EYA2: variants seen among roughly 807,000 people sequenced by gnomAD.
The protein encoded by EYA2 is protein phosphatase EYA2.
Under a neutral mutation model 69.2 loss-of-function variants are expected in EYA2, and 31 were observed. That is an observed-to-expected ratio of 0.45 (90% CI 0.34 to 0.60). The LOEUF (loss-of-function observed/expected upper bound fraction) is 0.60. Among genes scored for constraint, EYA2 ranks in the 20% least tolerant of loss-of-function variants. EYA2 has a pLI of 0.02. For missense variants in EYA2, 622 were observed against 701.2 expected, an observed-to-expected ratio of 0.89 and a Z score of 1.28; for synonymous variants, 257 against 279.4, an observed-to-expected ratio of 0.92 and a Z score of 0.80.
chr20:47,080,763 G>A (rs1261681533), intron 7 of EYA2, among the ~76,000 whole-genome samples: 1 of 152,088 alleles, frequency 6.6e-6, no homozygotes, highest in African/African-American at 2.4e-5. Context: ...CACATCTTAC[G>A]TGGATGGCAG....
At chr20:46,970,135 T>C (rs981631936) in intron 1 of EYA2, among the ~76,000 whole-genome samples, 38 of 152,246 alleles carry the variant, frequency 2.5e-4, no homozygotes, top group Non-Finnish European at 1.0e-4. Context: ...CTGCAGTTCT[T>C]GGTGAAGAAT....
At position 47,169,182 on chromosome 20, in the gene EYA2, A is replaced by G. The variant is rs143610627; in HGVS notation, c.1022A>G (p.Asn341Ser). ...IHVDDVSSDD[N>S]GQDLSTYNFS... ...GTTGATGACGTCTCATCAGATGACA[A>G]TGGCCAAGATTTAAGGTGGGAATTT... The change falls in exon 11 of 16, where the codon AAT (asparagine) becomes AGT (serine). Residue 341 changes from asparagine to serine, a missense_variant. By Grantham distance (46) the Asn-to-Ser change is conservative. This residue lies in a region of EYA2 where 257 missense variants were observed against 351.5 expected (regional missense o/e 0.73). Transcript: ENST00000327619. 17 of 1,611,262 alleles carry G rather than the reference A, an allele frequency of 1.1e-5. No individual in the cohort carries two copies. Among genetic ancestry groups the G allele is most frequent in the Non-Finnish European group, 1.4e-5 (16 of 1,178,092 alleles).
intron 1 of EYA2, among the ~76,000 whole-genome samples, chr20:46,971,293 A>G (rs1048596672): frequency 4.6e-5 from 7 of 152,208 alleles, no homozygotes; most frequent in Non-Finnish European, 8.8e-5. Context: ...CTGCTCTGCA[A>G]AGTCATCAGC....
At chr20:47,048,499 A>G (rs756550982) in intron 5 of EYA2, among the ~76,000 whole-genome samples, 2 of 152,190 alleles carry the variant, frequency 1.3e-5, no homozygotes, top group Non-Finnish European at 2.9e-5. Flanking sequence ...GCAGTTTGGG[A>G]GACCAAGGCA....
At chr20:47,168,218 GTC>G (rs2146648051) in intron 10 of EYA2, among the ~76,000 whole-genome samples, 1 of 151,554 alleles carries the variant, frequency 6.6e-6, no homozygotes, top group East Asian at 1.9e-4. Flanking sequence ...TTGAGACAGA[GTC>G]TTGCTCTGTC....
intron 9 of EYA2, among the ~76,000 whole-genome samples, chr20:47,099,942 T>C (rs553843671): frequency 6.6e-6 from 1 of 152,264 alleles, no homozygotes; most frequent in Non-Finnish European, 1.5e-5. Flanking sequence ...TCAATAAATA[T>C]TTGTTGAATG....
intron 4 of EYA2, among the ~76,000 whole-genome samples, chr20:47,011,727 C>A (rs2146362655): frequency 6.6e-6 from 1 of 152,252 alleles, no homozygotes; most frequent in South Asian, 2.1e-4. Flanking sequence ...TCCAAGGGAC[C>A]TTTCAGGATC....
chr20:47,053,349 G>C (rs2030438706), intron 5 of EYA2, among the ~76,000 whole-genome samples: 1 of 152,164 alleles, frequency 6.6e-6, no homozygotes, highest in South Asian at 2.1e-4. Context: ...TGCTGAAGGT[G>C]TATCTCTACT....
At chr20:46,930,336 T>A (rs1388126868) in intron 1 of EYA2, among the ~76,000 whole-genome samples, 2 of 152,236 alleles carry the variant, frequency 1.3e-5, no homozygotes, top group African/African-American at 2.4e-5. Context: ...CTAAAGGCTT[T>A]TTATAATATT....
chr20:47,063,193 C>G (rs954095319), intron 5 of EYA2, among the ~76,000 whole-genome samples: 1 of 152,110 alleles, frequency 6.6e-6, no homozygotes, highest in African/African-American at 2.4e-5. Context: ...AAAGGAAACC[C>G]CATAACCTTT....
rs540490054 is a variant in EYA2 at position 47,075,038 on chromosome 20, G to A, written c.661+703G>A. On this transcript the variant is annotated intron_variant, in intron 7 of 15. Transcript: ENST00000327619. ...AGGTAGGAGAATCGCTTGAACCTGG[G>A]AGGCGGAGGTTGCAGTGAGCCGAGA... Among the ~76,000 whole-genome samples, 178 of 152,356 alleles carry A rather than the reference G, an allele frequency of 1.2e-3. 1 individual carries two copies. The highest frequency in any genetic ancestry group is 1.2e-3 in the Non-Finnish European group (81 of 68,030).
chr20:47,058,675 A>G (rs2146449210), intron 5 of EYA2, among the ~76,000 whole-genome samples: 1 of 152,272 alleles, frequency 6.6e-6, no homozygotes. Context: ...CAAGATCCCA[A>G]TCTCTAGAAA....
At chr20:47,166,975 C>T (rs1285738651) in intron 10 of EYA2, 1 of 154,580 alleles carries the variant, frequency 6.5e-6, no homozygotes, top group African/African-American at 2.4e-5. Flanking sequence ...CATGTCACTC[C>T]GCCAGCATCA....
At position 47,118,716 on chromosome 20, in the gene EYA2, G is replaced by A. The variant is rs555045537; in HGVS notation, c.888+21548G>A. 5.3e-5 allele frequency among the ~76,000 whole-genome samples: 8 copies of A among 152,184 alleles called. No homozygotes were observed. The South Asian group carries it at 1.7e-3, about 32-fold the overall frequency. On this transcript the variant is annotated intron_variant, in intron 9 of 15. Coordinates refer to ENST00000327619, the MANE Select transcript of EYA2 (RefSeq NM_005244.5). The stretch of plus-strand genomic sequence containing the variant: ...ACTTTCTTTGAAGCCCTGTGCTCTC[G>A]GCCGCTTTGAGAGAGACCATTTCCT...
At chr20:47,157,823 G>A (rs1404391289) in intron 10 of EYA2, among the ~76,000 whole-genome samples, 3 of 151,982 alleles carry the variant, frequency 2.0e-5, no homozygotes, top group Non-Finnish European at 2.9e-5. Context: ...GGTCCCACTG[G>A]TTTTAAACAA....
intron 5 of EYA2, among the ~76,000 whole-genome samples, chr20:47,017,625 C>T (rs1983490706): frequency 6.7e-6 from 1 of 148,210 alleles, no homozygotes; most frequent in African/African-American, 2.5e-5. Flanking sequence ...TCATGCCCAG[C>T]CCTGAGAATA....
chr20:47,096,040 C>T (rs2032236123), intron 8 of EYA2: 1 of 151,968 alleles, frequency 6.6e-6, no homozygotes, highest in South Asian at 2.1e-4. Flanking sequence ...TACATTGTTG[C>T]AAACAAGAAA....
At chr20:47,164,177 C>G (rs1193786523) in intron 10 of EYA2, among the ~76,000 whole-genome samples, 1 of 152,170 alleles carries the variant, frequency 6.6e-6, no homozygotes, top group African/African-American at 2.4e-5. Flanking sequence ...CCCCCATCCT[C>G]GTGGCCTCTG....
intron 10 of EYA2, among the ~76,000 whole-genome samples, chr20:47,167,279 AC>A (rs2034219578): frequency 1.4e-5 from 1 of 70,078 alleles, no homozygotes; most frequent in African/African-American, 6.5e-5. Flanking sequence ...CGGTTTTTTT[AC>A]TTTTTTTTTT....
Sources: allele counts gnomAD v4.1 joint callset (sites outside exome capture counted in the v4.1 genomes callset), GRCh38; gene constraint gnomAD v4.1.1; regional missense constraint gnomAD v4.1.1; transcripts MANE v1.5; gene names NCBI Gene and HGNC (gene_info 2026-07-23, HGNC 2026-07-21).